SCRIB: variants seen among roughly 807,000 people sequenced by gnomAD.
The protein encoded by SCRIB is protein scribble homolog.
SCRIB carries 72 observed loss-of-function variants against 170.0 expected under a neutral mutation model. The observed-to-expected ratio is 0.42, with a 90% CI of 0.35 to 0.52. SCRIB has a LOEUF of 0.52. Ranked by LOEUF, SCRIB falls within the 20% of genes least tolerant of loss-of-function variation. The pLI, the probability that SCRIB is intolerant of heterozygous loss-of-function variation, is 0.02. For synonymous variants in SCRIB, 1,298 were observed against 1,044.3 expected, an observed-to-expected ratio of 1.24 and a Z score of -4.68; for missense variants, 2,475 against 2,338.5, an observed-to-expected ratio of 1.06 and a Z score of -1.20.
intron 16 of SCRIB, among the ~76,000 whole-genome samples, 190 bp from the exon 17 acceptor site, chr8:143,807,203 G>A (rs1815467988): frequency 6.6e-6 from 1 of 152,252 alleles, no homozygotes; most frequent in Non-Finnish European, 1.5e-5. Context: ...CCCAGCAGGA[G>A]GGCACTGCTC....
chr8:143,811,327 C>T lies in SCRIB; in HGVS notation c.925G>A (p.Gly309Arg). ...NLLMALPRSL[G>R]KLTKLTNLNV... ...AGGTTGGTCAGCTTAGTCAGCTTTC[C>T]CAGGGAGCGGGGCAGGGCCTGGCCA... The change falls in exon 10 of 37, where the codon GGA becomes AGA. Residue 309 changes from glycine to arginine, a missense_variant. This residue lies in a region of SCRIB where 487 missense variants were observed against 558.1 expected (regional missense o/e 0.87). Transcript: ENST00000356994. 6.2e-7 allele frequency: 1 copy of T among 1,612,702 alleles called. No homozygotes were observed. Among genetic ancestry groups the T allele is most frequent in the Non-Finnish European group, 8.5e-7 (1 of 1,179,816 alleles).
intron 17 of SCRIB, 116 bp downstream of exon 17, chr8:143,806,808 G>T: frequency 1.3e-6 from 1 of 793,848 alleles, no homozygotes; most frequent in Non-Finnish European, 2.0e-6. Flanking sequence ...CTTGGGCCCA[G>T]CCCGTGTCCC....
chr8:143,792,436 G>A (rs370515586), intron 31 of SCRIB, 31 bp from the exon 32 acceptor site: 5 of 1,506,654 alleles, frequency 3.3e-6, no homozygotes, highest in Admixed American at 2.0e-5. Flanking sequence ...GCTGTGGGGG[G>A]CAGGGGCACG....
intron 24 of SCRIB, among the ~76,000 whole-genome samples, chr8:143,800,746 C>T (rs906455361): frequency 3.3e-5 from 5 of 152,186 alleles, no homozygotes; most frequent in African/African-American, 1.2e-4. Context: ...GGTGTGGTGG[C>T]GCAGCTGTAG....
chr8:143,809,301 G>T (rs1815593198), intron 14 of SCRIB, among the ~76,000 whole-genome samples: 1 of 152,058 alleles, frequency 6.6e-6, no homozygotes, highest in Non-Finnish European at 1.5e-5. Flanking sequence ...AGAGTCCAGG[G>T]TGGGGGTGGG....
In SCRIB at chr8:143,815,734, C is replaced by G. The variant is rs1234604247; in HGVS notation, c.-362G>C. 2.0e-6 allele frequency: 2 copies of G among 984,180 alleles called. No homozygotes were observed. The highest frequency in any genetic ancestry group is 2.4e-6 in the Non-Finnish European group (2 of 829,558). The allele number at this position is 984,180 out of a possible 1,614,324, so 61.0% of individuals were successfully genotyped here. On this transcript the variant is annotated 5_prime_UTR_variant, in exon 1 of 37. Transcript: ENST00000356994. ...TGCCCGCCGGACTGCCCCGCCGACA[C>G]CCACCCGGCCGCCGCGCAGCCCGTC...
In SCRIB at chr8:143,805,387, C is replaced by T. The variant is rs782469396; in HGVS notation, c.2395G>A (p.Ala799Thr). ...ACGGCAGTGCCGGCCCCCCGGAGCGCCTCCACGGCCTCGTGGTGCTCGGCG... is the reference window on the plus strand; with the variant it reads ...ACGGCAGTGCCGGCCCCCCGGAGCGTCTCCACGGCCTCGTGGTGCTCGGCG... ...QGAEHHEAVE[A>T]LRGAGTAVQM... The change falls in exon 19 of 37, where the codon GCG (alanine) becomes ACG (threonine). Residue 799 changes from alanine to threonine, a missense_variant. Around this residue, in one of 3 missense-constraint regions of SCRIB, gnomAD observed 1,966 missense variants for 1,742.9 expected, o/e 1.13. Coordinates refer to ENST00000356994, the MANE Select transcript of SCRIB (RefSeq NM_182706.5). The T allele has an allele frequency of 1.3e-6, 2 of 1,544,298 alleles. No homozygotes were observed. Among genetic ancestry groups the T allele is most frequent in the Non-Finnish European group, 1.7e-6 (2 of 1,150,734 alleles).
intron 28 of SCRIB, 163 bp downstream of exon 28, chr8:143,793,737 C>T (rs781820722): frequency 6.2e-6 from 4 of 645,148 alleles, no homozygotes; most frequent in Admixed American, 2.7e-5. Context: ...CCCTGGCCTT[C>T]CTCACACAGG....
chr8:143,797,977 AAC>A (rs1475261251), intron 24 of SCRIB, among the ~76,000 whole-genome samples: 2 of 152,260 alleles, frequency 1.3e-5, no homozygotes, highest in East Asian at 3.8e-4. Flanking sequence ...TTCAAAGAGA[AAC>A]AAATGGCAGA....
In SCRIB at chr8:143,791,170, G is replaced by A. The variant is rs932685338; in HGVS notation, c.4961C>T (p.Pro1654Leu). ...RPGRRGLGPV[P>L]S is the part of the protein sequence containing the mutation. ...GGGGAGGTGCCTGCTCCTCTAGGAG[G>A]GCACAGGGCCCAGGCCACGGCGCCC... Residue 1654 changes from proline to leucine, a missense_variant, in exon 37 of 37, where the codon CCC becomes CTC. Pro to Leu is a moderately conservative substitution (Grantham distance 98, BLOSUM62 -3). Coordinates refer to ENST00000356994, the MANE Select transcript of SCRIB (RefSeq NM_182706.5). 2 of 1,422,462 alleles carry A rather than the reference G, an allele frequency of 1.4e-6. No homozygotes were observed. Among genetic ancestry groups the A allele is most frequent in the East Asian group, 2.6e-5 (1 of 37,764 alleles). 88.1% of individuals were successfully genotyped at this position (1,422,462 alleles called of 1,614,324 possible).
intron 24 of SCRIB, among the ~76,000 whole-genome samples, chr8:143,798,374 C>T (rs1815030352): frequency 6.6e-6 from 1 of 152,202 alleles, no homozygotes; most frequent in African/African-American, 2.4e-5. Flanking sequence ...GCTGAGAACA[C>T]AGGATGCGGA....
Position 143,792,520 on chromosome 8 carries a change from C to G in SCRIB, c.4293G>C (p.Glu1431Asp). The stretch of plus-strand genomic sequence containing the variant: ...GGCTCGGGCTGGCCCAGGGTGGCTG[C>G]TCATCCTCCTGTTCCTCCTCGCCCA... ...ETLGEEEQED[E>D]QPPWASPSPT... The change falls in exon 31 of 37, where the codon GAG becomes GAC. Residue 1431 changes from glutamate to aspartate, a missense_variant. Glu to Asp is a conservative substitution (Grantham distance 45). Coordinates refer to ENST00000356994, the MANE Select transcript of SCRIB (RefSeq NM_182706.5). 6.4e-7 allele frequency: 1 copy of G among 1,555,872 alleles called. No individual in the cohort carries two copies. Among genetic ancestry groups the G allele is most frequent in the Non-Finnish European group, 8.6e-7 (1 of 1,157,364 alleles).
At chr8:143,793,869 T>C (rs1554633549) in intron 28 of SCRIB, 31 bp downstream of exon 28, 2 of 1,609,420 alleles carry the variant, frequency 1.2e-6, no homozygotes, top group Non-Finnish European at 1.7e-6. Context: ...CCACCCACCA[T>C]GGGGCACACC....
At chr8:143,812,208 G>T in intron 9 of SCRIB, 58 bp downstream of exon 9, 1 of 1,130,038 alleles carries the variant, frequency 8.8e-7, no homozygotes, top group Non-Finnish European at 1.4e-6. Context: ...CTGATGCCCT[G>T]TCCTTGTTCT....
intron 1 of SCRIB, 53 bp downstream of exon 1, chr8:143,815,161 G>A (rs1056914781): frequency 2.8e-5 from 41 of 1,470,402 alleles, no homozygotes; most frequent in African/African-American, 1.0e-4. Context: ...GCCGCCGGAG[G>A]AATCACGGGC....
rs1554632698 is a variant in SCRIB, at chr8:143,791,720, A to T, written c.4716T>A (p.Phe1572Leu). The T allele has an allele frequency of 6.2e-7, 1 of 1,602,234 alleles. No individual in the cohort carries two copies. The change falls in exon 35 of 37, where the codon TTT becomes TTA. Residue 1572 changes from phenylalanine (F) to leucine (L), a missense_variant. Phe to Leu is a conservative substitution (Grantham distance 22). Transcript: ENST00000356994. ...PGRLPLSGKK[F>L]DYRAFAALPS... ...GCAGGGCCGCAAAGGCCCTGTAGTCAAACTTCTTTCCAGACAAGGGCTTGA... is the reference window on the plus strand; with the variant it reads ...GCAGGGCCGCAAAGGCCCTGTAGTCTAACTTCTTTCCAGACAAGGGCTTGA...
chr8:143,809,453 A>G lies in SCRIB; in HGVS notation c.1698+98T>C, dbSNP rs1300845416. Reference sequence around the variant, plus strand: ...CCCGAAGCATCAGCAGGGCCCAGGCACTGCCTGCACCAAAACCGATCCCAG... The same window carrying G: ...CCCGAAGCATCAGCAGGGCCCAGGCGCTGCCTGCACCAAAACCGATCCCAG... On this transcript the variant is annotated intron_variant, in intron 14 of 36. Transcript: ENST00000356994. The G allele has an allele frequency of 5.2e-6, 7 of 1,353,286 alleles. No individual in the cohort carries two copies. In the African/African-American group the frequency reaches 7.2e-5, roughly 14 times the overall value. 83.8% of individuals were successfully genotyped at this position (1,353,286 alleles called of 1,614,324 possible). A position where few individuals can be genotyped will look rare whatever the true frequency, so the allele number is the denominator to read the frequency against.
In SCRIB at chr8:143,804,189, C is replaced by T. The variant is rs782438693; in HGVS notation, c.3010-33G>A. 1.0e-5 allele frequency: 15 copies of T among 1,503,410 alleles called. No individual in the cohort carries two copies. In the East Asian group the frequency reaches 1.2e-4, roughly 12 times the overall value. The allele number at this position is 1,503,410 out of a possible 1,614,324, so 93.1% of individuals were successfully genotyped here. ...TTTAGGGCGGGACAAGGACAGGCCT[C>T]GGTCAGGACAGGGAAAGGGTGTGGG... is the stretch of plus-strand genomic sequence containing the variant. On this transcript the variant is annotated intron_variant, in intron 21 of 36. Transcript: ENST00000356994.
At chr8:143,813,920 C>T (rs1288019463) in intron 2 of SCRIB, 24 bp from the exon 3 acceptor site, 4 of 1,604,248 alleles carry the variant, frequency 2.5e-6, no homozygotes, top group Admixed American at 3.4e-5. Flanking sequence ...TCACAGTGGA[C>T]AGATGCCATG....
Sources: allele counts gnomAD v4.1 joint callset (sites outside exome capture counted in the v4.1 genomes callset), GRCh38; gene constraint gnomAD v4.1.1; regional missense constraint gnomAD v4.1.1; transcripts MANE v1.5; gene names NCBI Gene and HGNC (gene_info 2026-07-23, HGNC 2026-07-21).